TMC1: variants seen among roughly 807,000 people sequenced by gnomAD.
TMC1 encodes the protein transmembrane channel like 1.
TMC1 carries 84 observed loss-of-function variants against 105.8 expected under a neutral mutation model. That is an observed-to-expected ratio of 0.79 (90% confidence interval 0.67 to 0.95). The LOEUF is 0.95. Among genes scored for constraint, TMC1 ranks in the 40% least tolerant of loss-of-function variants. The pLI is 0.00. For missense variants in TMC1, 817 were observed against 914.1 expected (o/e 0.89, Z 1.37); for synonymous variants, 315 against 311.5 (o/e 1.01, Z -0.12).
At chr9:72,769,457 C>T (rs1198959036) in intron 12 of TMC1, among the ~76,000 whole-genome samples, 1 of 152,170 alleles carries the variant, frequency 6.6e-6, no homozygotes. Flanking sequence ...CCTCTCCTTG[C>T]AGGAGCAGAG....
At chr9:72,522,452 A>G (rs1292250104) in intron 1 of TMC1, among the ~76,000 whole-genome samples, 1 of 152,214 alleles carries the variant, frequency 6.6e-6, no homozygotes, top group Non-Finnish European at 1.5e-5. Context: ...CCTAAAATAA[A>G]CAAATGTGGG....
At chr9:72,807,039 A>C (rs1208444521) in intron 18 of TMC1, among the ~76,000 whole-genome samples, 1 of 152,214 alleles carries the variant, frequency 6.6e-6, no homozygotes, top group East Asian at 1.9e-4. Flanking sequence ...AGGCTGGCGG[A>C]TCACTTGCGG....
At chr9:72,709,995 C>T (rs369221230) in intron 8 of TMC1, among the ~76,000 whole-genome samples, 1 of 152,084 alleles carries the variant, frequency 6.6e-6, no homozygotes. Flanking sequence ...GCATTTAATG[C>T]TATGAACTTT....
chr9:72,618,844 T>A (rs1825191015), intron 3 of TMC1, among the ~76,000 whole-genome samples: 1 of 152,138 alleles, frequency 6.6e-6, no homozygotes, highest in South Asian at 2.1e-4. Flanking sequence ...AGTAAAAATG[T>A]TATCTTAAAT....
chr9:72,760,139 ATTG>A (rs1209281409), intron 12 of TMC1, among the ~76,000 whole-genome samples: 1 of 152,100 alleles, frequency 6.6e-6, no homozygotes, highest in African/African-American at 2.4e-5. Flanking sequence ...TACTTTGAAA[ATTG>A]TTATTATTAA....
chr9:72,721,491 A>G (rs1827025428), intron 8 of TMC1, among the ~76,000 whole-genome samples: 1 of 152,218 alleles, frequency 6.6e-6, no homozygotes, highest in African/African-American at 2.4e-5. Context: ...TCATGTATTA[A>G]TAGACTTGTT....
chr9:72,771,460 T>C (rs573732922), intron 12 of TMC1, among the ~76,000 whole-genome samples: 1 of 152,294 alleles, frequency 6.6e-6, no homozygotes, highest in East Asian at 1.9e-4. Context: ...GCTGTGAGTG[T>C]CAAAGTCCCT....
intron 1 of TMC1, among the ~76,000 whole-genome samples, chr9:72,536,149 A>C (rs1356806583): frequency 6.6e-6 from 1 of 152,202 alleles, no homozygotes; most frequent in African/African-American, 2.4e-5. Context: ...CAAAGTCCAA[A>C]GTATCACCTG....
chr9:72,750,473 A>G (rs1827564972), intron 10 of TMC1, among the ~76,000 whole-genome samples: 1 of 152,176 alleles, frequency 6.6e-6, no homozygotes, highest in African/African-American at 2.4e-5. Flanking sequence ...GCTTTTGTAA[A>G]TCTATGAAAT....
At chr9:72,728,330 A>T (rs762768789) in intron 8 of TMC1, among the ~76,000 whole-genome samples, 1 of 152,218 alleles carries the variant, frequency 6.6e-6, no homozygotes, top group Non-Finnish European at 1.5e-5. Context: ...CTTGTCATGC[A>T]GATTCCTCTG....
chr9:72,718,270 A>T (rs535476235), intron 8 of TMC1, among the ~76,000 whole-genome samples: 1 of 152,162 alleles, frequency 6.6e-6, no homozygotes, highest in African/African-American at 2.4e-5. Context: ...TGATGATGTT[A>T]AAGAACATTA....
chr9:72,795,784 T>C (rs1828354035), intron 17 of TMC1, among the ~76,000 whole-genome samples: 1 of 151,908 alleles, frequency 6.6e-6, no homozygotes, highest in South Asian at 2.1e-4. Flanking sequence ...CAGGATTAAA[T>C]CCATACATAT....
At chr9:72,580,133 G>A (rs1017671097) in intron 2 of TMC1, among the ~76,000 whole-genome samples, 25 of 152,272 alleles carry the variant, frequency 1.6e-4, no homozygotes, top group Admixed American at 1.5e-3. Context: ...ACAAATACTT[G>A]AGTGCCATCT....
At chr9:72,562,935 TCA>T (rs1824083212) in intron 1 of TMC1, among the ~76,000 whole-genome samples, 1 of 151,772 alleles carries the variant, frequency 6.6e-6, no homozygotes. Context: ...TGAGATGAGA[TCA>T]CTGGGTAACA....
At chr9:72,695,085 T>A (rs1032885416) in intron 7 of TMC1, among the ~76,000 whole-genome samples, 1 of 152,172 alleles carries the variant, frequency 6.6e-6, no homozygotes, top group Non-Finnish European at 1.5e-5. Context: ...GAGCAGGGGT[T>A]GGAAAATTAT....
chr9:72,835,217 T>C (rs1479470896), intron 23 of TMC1, among the ~76,000 whole-genome samples: 1 of 152,172 alleles, frequency 6.6e-6, no homozygotes, highest in Non-Finnish European at 1.5e-5. Flanking sequence ...TGTATTTACC[T>C]CCGCAGTTTA....
chr9:72,619,826 TTAATTA>T (rs1564449073), intron 3 of TMC1, among the ~76,000 whole-genome samples: 207 of 151,326 alleles, frequency 1.4e-3, no homozygotes, highest in South Asian at 4.2e-3. Flanking sequence ...AATTAATTAA[TTAATTA>T]ATTTATTTAT....
At chr9:72,832,355 G>A (rs28718231) in intron 23 of TMC1, among the ~76,000 whole-genome samples, 2,406 of 152,240 alleles carry the variant, frequency 0.016, 55 homozygotes, top group African/African-American at 0.054. Flanking sequence ...GACCTTTATG[G>A]CAGCAGGAAT....
chr9:72,712,418 A>ATT (rs1254991320), intron 8 of TMC1, among the ~76,000 whole-genome samples: 2 of 151,176 alleles, frequency 1.3e-5, no homozygotes, highest in Non-Finnish European at 3.0e-5. Context: ...ATGTTTTTCC[A>ATT]TGTTTGTGTC....
Sources: allele counts gnomAD v4.1 joint callset (sites outside exome capture counted in the v4.1 genomes callset), GRCh38; gene constraint gnomAD v4.1.1; transcripts MANE v1.5; gene names NCBI Gene and HGNC (gene_info 2026-07-23, HGNC 2026-07-21).